WNK1: variants seen among roughly 807,000 people sequenced by gnomAD.
WNK1 encodes serine/threonine-protein kinase WNK1.
A neutral mutation model predicts 222.8 loss-of-function variants in WNK1; 38 were observed. The ratio of observed to expected loss-of-function variants is 0.17; its 90% CI spans 0.13 to 0.22. WNK1 has a LOEUF of 0.22. WNK1 is among the 10% of genes least tolerant of loss of function. The probability of loss-of-function intolerance (pLI) is 1.00; values close to 1 mark genes in which losing one functional copy is unlikely to be tolerated. For missense variants in WNK1, 2,348 were observed against 2,918.4 expected (o/e 0.80, Z 4.50); for synonymous variants, 1,090 against 1,092.9 (o/e 1.00, Z 0.05).
intron 4 of WNK1, among the ~76,000 whole-genome samples, chr12:844,126 CTTTAT>C (rs1453903288): frequency 1.3e-5 from 2 of 151,524 alleles, no homozygotes; most frequent in Admixed American, 6.6e-5. Flanking sequence ...TAAAAATTTT[CTTTAT>C]TTTATTTTAT....
At chr12:778,839 C>T (rs989947804) in intron 1 of WNK1, among the ~76,000 whole-genome samples, 16 of 152,204 alleles carry the variant, frequency 1.1e-4, no homozygotes, top group African/African-American at 2.6e-4. Context: ...CTCTCTCGTG[C>T]TGTTTCTGGT....
intron 3 of WNK1, among the ~76,000 whole-genome samples, chr12:828,426 T>A (rs1340383197): frequency 6.6e-6 from 1 of 152,210 alleles, no homozygotes; most frequent in African/African-American, 2.4e-5. Context: ...GAATTTATGA[T>A]CTATCTAAAA....
At chr12:770,744 A>G (rs747095480) in intron 1 of WNK1, among the ~76,000 whole-genome samples, 12 of 152,194 alleles carry the variant, frequency 7.9e-5, no homozygotes, top group Non-Finnish European at 1.3e-4. Flanking sequence ...GATGCTTTTC[A>G]TACCAGATTG....
chr12:868,165 A>T, intron 8 of WNK1: 2 of 1,614,050 alleles, frequency 1.2e-6, no homozygotes, highest in Non-Finnish European at 1.7e-6. Flanking sequence ...CTGGAGAGTC[A>T]TGTGAGATAC....
intron 4 of WNK1, among the ~76,000 whole-genome samples, chr12:832,138 C>T (rs1348676055): frequency 2.0e-5 from 3 of 152,092 alleles, no homozygotes; most frequent in Non-Finnish European, 2.9e-5. Flanking sequence ...TGCAGTGGCG[C>T]CATCTCGGCT....
Position 862,258 on chromosome 12 carries a change from A to G in WNK1, c.2127A>G (p.Pro709=). ...AGTCTCAGCCCCATGGGGTATATCCACCCTCAAGTGTGGTAAGTAAATGCT... is the reference window on the plus strand; with the variant it reads ...AGTCTCAGCCCCATGGGGTATATCCGCCCTCAAGTGTGGTAAGTAAATGCT... ...QAQSQPHGVY[P]PSSVAQGQSQ... The change falls in exon 8 of 28, where the codon CCA becomes CCG. Residue 709 remains proline, a synonymous_variant. Transcript: ENST00000315939. 1 of 1,614,094 alleles carries G rather than the reference A, an allele frequency of 6.2e-7. No homozygotes were observed. Among genetic ancestry groups the G allele is most frequent in the Non-Finnish European group, 8.5e-7 (1 of 1,179,976 alleles).
At chr12:855,697 G>T (rs1950731914) in intron 4 of WNK1, among the ~76,000 whole-genome samples, 1 of 152,088 alleles carries the variant, frequency 6.6e-6, no homozygotes, top group African/African-American at 2.4e-5. Context: ...GCATATCAGT[G>T]CTTCAACTCT....
chr12:795,861 AT>A (rs1402418905), intron 1 of WNK1, among the ~76,000 whole-genome samples: 2 of 151,976 alleles, frequency 1.3e-5, no homozygotes, highest in Non-Finnish European at 2.9e-5. Flanking sequence ...TTCTCTTTTT[AT>A]CCATTGGCTT....
In WNK1 at chr12:868,704, G is replaced by A. The variant is rs760030389; in HGVS notation, c.2140-2561G>A. 26 of 1,613,738 alleles carry A rather than the reference G, an allele frequency of 1.6e-5. No homozygotes were observed. Among genetic ancestry groups the A allele is most frequent in the South Asian group, 2.2e-5 (2 of 91,080 alleles). On this transcript the variant is annotated intron_variant, in intron 8 of 27. Coordinates refer to ENST00000315939, the MANE Select transcript of WNK1 (RefSeq NM_018979.4). The stretch of plus-strand genomic sequence containing the variant: ...TTACCTCAGCGTGTTTACCGAAATC[G>A]GCAGGTTGCAGTGGACTTGAATCAA...
At chr12:808,500 G>GT (rs148456638) in intron 1 of WNK1, among the ~76,000 whole-genome samples, 11,198 of 147,946 alleles carry the variant, frequency 0.076, 478 homozygotes, top group African/African-American at 0.085. Context: ...AACTAAATGT[G>GT]TTTTTTTTTT....
rs1018276661 is a variant in WNK1 at position 757,551 on chromosome 12, T to C, written c.759+3227T>C. Among the ~76,000 whole-genome samples the C allele has an allele frequency of 3.3e-5, 5 of 152,098 alleles. No homozygotes were observed. The East Asian group carries it at 7.7e-4, about 23-fold the overall frequency. ...GGTAATATTTTGATACCACAGGACC[T>C]TCAGTAATTACCGAGATGTTTAAGA... On this transcript the variant is annotated intron_variant, in intron 1 of 27. Coordinates refer to ENST00000315939, the MANE Select transcript of WNK1 (RefSeq NM_018979.4).
Position 862,140 on chromosome 12 carries a change from G to C in WNK1, c.2009G>C (p.Ser670Thr). ...GSSVFTESRVSSQQTVSYGSQ... is the reference protein window; with the variant it reads ...GSSVFTESRVTSQQTVSYGSQ... ...TCTGTCTTCACAGAATCTCGAGTGA[G>C]CAGCCAACAGACAGTTTCATATGGT... The change falls in exon 8 of 28, where the codon AGC becomes ACC. Residue 670 changes from serine to threonine, a missense_variant. Around this residue, in one of 13 missense-constraint regions of WNK1, gnomAD observed 547 missense variants for 558.3 expected, o/e 0.98. Transcript: ENST00000315939. The C allele has an allele frequency of 6.2e-7, 1 of 1,614,060 alleles. No individual in the cohort carries two copies. Among genetic ancestry groups the C allele is most frequent in the South Asian group, 1.1e-5 (1 of 91,080 alleles).
intron 8 of WNK1, chr12:865,341 C>T: frequency 6.5e-7 from 1 of 1,536,182 alleles, no homozygotes; most frequent in East Asian, 2.4e-5. Flanking sequence ...ACGCTCCAGC[C>T]TGCCTTCCCT....
chr12:778,572 C>A (rs954996351), intron 1 of WNK1, among the ~76,000 whole-genome samples: 8 of 151,774 alleles, frequency 5.3e-5, no homozygotes, highest in African/African-American at 1.7e-4. Flanking sequence ...CTCAACTGAT[C>A]CACCTGCCTC....
In WNK1 at chr12:861,273, A is replaced by G. The variant is rs748687867; in HGVS notation, c.1881A>G (p.Val627=). ...CTTCAGCTTCAGTTTCTACACAAGT[A>G]GAACCTGAAGAACCTGAGGCAGATC... ...STTSASVSTQ[V]EPEEPEADQH... The change falls in exon 7 of 28, where the codon GTA becomes GTG. Residue 627 remains valine, a synonymous_variant. Transcript: ENST00000315939. The G allele has an allele frequency of 2.5e-6, 4 of 1,614,200 alleles. No individual in the cohort carries two copies. Among genetic ancestry groups the G allele is most frequent in the Non-Finnish European group, 3.4e-6 (4 of 1,180,026 alleles).
At chr12:805,410 A>G (rs1946286732) in intron 1 of WNK1, among the ~76,000 whole-genome samples, 1 of 152,230 alleles carries the variant, frequency 6.6e-6, no homozygotes, top group Non-Finnish European at 1.5e-5. Flanking sequence ...AATGTGACTT[A>G]AATTGTTAAA....
chr12:789,436 TAA>T (rs1228026416), intron 1 of WNK1, among the ~76,000 whole-genome samples: 1 of 152,046 alleles, frequency 6.6e-6, no homozygotes, highest in Non-Finnish European at 1.5e-5. Context: ...CTGCTAGTCA[TAA>T]AATTTAGATT....
intron 8 of WNK1, chr12:864,971 C>CAA (rs11441896): frequency 0.13 from 118,504 of 927,842 alleles, 2 homozygotes; most frequent in East Asian, 0.22. Flanking sequence ...TAGCTCTCCT[C>CAA]AAAAAAAAAA....
intron 20 of WNK1, 105 bp from the exon 21 acceptor site, chr12:889,035 T>G (rs1953948144): frequency 1.2e-6 from 1 of 866,764 alleles, no homozygotes; most frequent in Non-Finnish European, 2.0e-6. Flanking sequence ...AATGTTATGT[T>G]GTGCCAATAT....
Sources: gnomAD v4.1 joint callset for allele counts (sites outside exome capture counted in the v4.1 genomes callset) on GRCh38, gnomAD v4.1.1 for gene constraint, gnomAD v4.1.1 regional missense constraint, MANE v1.5 for transcripts, NCBI Gene and HGNC (gene_info 2026-07-23, HGNC 2026-07-21) for gene names.